Variants in DTWD1 observed in about 807,000 individuals in gnomAD.
DTWD1 encodes the protein DTW motif tRNA-uridine aminocarboxypropyltransferase 1, also known as tRNA-uridine aminocarboxypropyltransferase 1.
In DTWD1, 27 loss-of-function variants were observed where a neutral mutation model predicts 30.2. The observed-to-expected ratio is 0.90, with a 90% CI of 0.66 to 1.23. DTWD1 has a LOEUF of 1.23. Among genes scored for constraint, DTWD1 ranks in the 50% most tolerant of loss-of-function variants. The probability of loss-of-function intolerance (pLI) is 0.00; values close to 1 mark genes in which losing one functional copy is unlikely to be tolerated. For missense variants in DTWD1, 342 were observed against 348.8 expected (o/e 0.98, Z 0.15); for synonymous variants, 99 against 113.1 (o/e 0.88, Z 0.79).
Position 49,625,125 on chromosome 15 carries a change from AT to A in DTWD1, c.-42del, listed in dbSNP as rs1273583698. 8 of 1,580,788 alleles carry A rather than the reference AT, an allele frequency of 5.1e-6. No individual in the cohort carries two copies. In the African/African-American group the frequency reaches 9.5e-5, roughly 19 times the overall value. ...TTTTTTTTTACAGTGCACCTATGAT[AT>A]GTGTTTTAGAAATAGCCGTTAAACT... On this transcript the variant is annotated 5_prime_UTR_variant, in exon 2 of 5. It removes an upstream start codon present in the reference 5' UTR. Coordinates refer to ENST00000403028, the MANE Select transcript of DTWD1 (RefSeq NM_001144955.2).
intron 4 of DTWD1, among the ~76,000 whole-genome samples, chr15:49,641,705 G>A (rs1201909515): frequency 1.3e-5 from 2 of 151,832 alleles, no homozygotes; most frequent in East Asian, 3.9e-4. Flanking sequence ...CACAATTTTA[G>A]GTTGCCAGTT....
chr15:49,638,140 C>T (rs1184603281), intron 4 of DTWD1, among the ~76,000 whole-genome samples: 3 of 152,098 alleles, frequency 2.0e-5, no homozygotes, highest in Non-Finnish European at 2.9e-5. Flanking sequence ...TTTTTCTGAG[C>T]CATTTTTCTT....
intron 1 of DTWD1, among the ~76,000 whole-genome samples, chr15:49,622,519 C>T (rs12595447): frequency 0.055 from 8,357 of 152,098 alleles, 327 homozygotes; most frequent in East Asian, 0.13. Flanking sequence ...GAATGATGGA[C>T]GCACCATCAA....
chr15:49,633,591 TC>T, intron 3 of DTWD1: 1 of 275,692 alleles, frequency 3.6e-6, no homozygotes. Context: ...CACCTTGGCC[TC>T]CCAAAGTGCC....
intron 3 of DTWD1, among the ~76,000 whole-genome samples, chr15:49,632,544 G>T (rs2078937160): frequency 6.6e-6 from 1 of 152,012 alleles, no homozygotes; most frequent in African/African-American, 2.4e-5. Context: ...ATTTCTTCAG[G>T]TTTTTACTCC....
At chr15:49,624,936 TCA>T (rs1216831144) in intron 1 of DTWD1, among the ~76,000 whole-genome samples, 175 bp from the exon 2 acceptor site, 2 of 152,348 alleles carry the variant, frequency 1.3e-5, no homozygotes, top group South Asian at 2.1e-4. Context: ...GAAATAACTT[TCA>T]GTTTATTGCT....
chr15:49,632,861 A>C (rs2078941671), intron 3 of DTWD1, among the ~76,000 whole-genome samples: 1 of 151,998 alleles, frequency 6.6e-6, no homozygotes, highest in African/African-American at 2.4e-5. Flanking sequence ...CTTCTTGCTG[A>C]AAAGTAATTT....
In DTWD1 at chr15:49,653,430, T is replaced by A. The variant is rs1490010057; in HGVS notation, c.*9852T>A. ...AAAGGAATGCAGTTCAGCTAACATC[T>A]TGATTTTAGATCAGTGAGATTTTTG... On this transcript the variant is annotated 3_prime_UTR_variant, in exon 5 of 5. Coordinates refer to ENST00000403028, the MANE Select transcript of DTWD1 (RefSeq NM_001144955.2). 6.6e-6 allele frequency: 1 copy of A among 152,154 alleles called. No homozygotes were observed. Among genetic ancestry groups the A allele is most frequent in the South Asian group, 2.1e-4 (1 of 4,828 alleles). The allele number at this position is 152,154 out of a possible 1,614,324, so 9.4% of individuals were successfully genotyped here.
In DTWD1 at chr15:49,650,470, G is replaced by A. The variant is rs1054776600; in HGVS notation, c.*6892G>A. Reference sequence around the variant, plus strand: ...ATGGGCGAGTGGTACAGAATGACAAGATCCTGCATGTATTTTTAAGGTAGA... The same window carrying A: ...ATGGGCGAGTGGTACAGAATGACAAAATCCTGCATGTATTTTTAAGGTAGA... On this transcript the variant is annotated 3_prime_UTR_variant, in exon 5 of 5. Transcript: ENST00000403028. 6.6e-6 allele frequency: 1 copy of A among 152,150 alleles called. No individual in the cohort carries two copies. Among genetic ancestry groups the A allele is most frequent in the Non-Finnish European group, 1.5e-5 (1 of 68,016 alleles). 9.4% of individuals were successfully genotyped at this position (152,150 alleles called of 1,614,324 possible).
intron 3 of DTWD1, chr15:49,633,658 A>G (rs1033138342): frequency 7.6e-6 from 2 of 263,878 alleles, no homozygotes; most frequent in Non-Finnish European, 1.5e-5. Context: ...TCATAATTTT[A>G]TTTTATTGTG....
At chr15:49,624,219 C>A (rs11070711) in intron 1 of DTWD1, among the ~76,000 whole-genome samples, 1 of 152,126 alleles carries the variant, frequency 6.6e-6, no homozygotes, top group Non-Finnish European at 1.5e-5. Flanking sequence ...TTCTCTTGTC[C>A]CTGTTTCTAC....
At position 49,651,185 on chromosome 15, in the gene DTWD1, C is replaced by T. The variant is rs1427483716; in HGVS notation, c.*7607C>T. 6.6e-6 allele frequency: 1 copy of T among 152,062 alleles called. No homozygotes were observed. Among genetic ancestry groups the T allele is most frequent in the East Asian group, 1.9e-4 (1 of 5,176 alleles). The allele number at this position is 152,062 out of a possible 1,614,324, so 9.4% of individuals were successfully genotyped here. A position where few individuals can be genotyped will look rare whatever the true frequency, so the allele number is the denominator to read the frequency against. ...CAAATCTCATCTAGAATTTAATAGT[C>T]CAAGTAGCCAAACTGGTATTTGTCC... On this transcript the variant is annotated 3_prime_UTR_variant, in exon 5 of 5. Transcript: ENST00000403028.
rs2079128699 is a variant in DTWD1 at position 49,647,685 on chromosome 15, TCAC to T, written c.*4112_*4114del. 2 of 151,954 alleles carry T rather than the reference TCAC, an allele frequency of 1.3e-5. No homozygotes were observed. The highest frequency in any genetic ancestry group is 4.8e-5 in the African/African-American group (2 of 41,348). The allele number at this position is 151,954 out of a possible 1,614,324, so 9.4% of individuals were successfully genotyped here. A position where few individuals can be genotyped will look rare whatever the true frequency, so the allele number is the denominator to read the frequency against. ...TACATTGAAGGCCACCAGCCAAAAA[TCAC>T]CACCCATACATAAGAGCCAAACATC... On this transcript the variant is annotated 3_prime_UTR_variant, in exon 5 of 5. Transcript: ENST00000403028.
In DTWD1 at chr15:49,643,325, T is replaced by G. The variant is rs1205832736; in HGVS notation, c.668-6T>G. ...TTCTTTCTTTTTTTTTTTTTTTTTTTGACAGGGTTGTTACAAGTTGAGTTG... is the reference window on the plus strand; with the variant it reads ...TTCTTTCTTTTTTTTTTTTTTTTTTGGACAGGGTTGTTACAAGTTGAGTTG... On this transcript the variant is annotated splice_polypyrimidine_tract_variant and splice_region_variant and intron_variant, in intron 4 of 4. Coordinates refer to ENST00000403028, the MANE Select transcript of DTWD1 (RefSeq NM_001144955.2). 1.4e-6 allele frequency: 2 copies of G among 1,456,174 alleles called. No individual in the cohort carries two copies. Among genetic ancestry groups the G allele is most frequent in the Non-Finnish European group, 1.8e-6 (2 of 1,107,300 alleles). 90.2% of individuals were successfully genotyped at this position (1,456,174 alleles called of 1,614,324 possible).
rs376847604 is a variant in DTWD1, at chr15:49,648,916, A to T, written c.*5338A>T. 3.3e-5 allele frequency: 5 copies of T among 152,152 alleles called. No individual in the cohort carries two copies. The highest frequency in any genetic ancestry group is 2.1e-4 in the South Asian group (1 of 4,826). 9.4% of individuals were successfully genotyped at this position (152,152 alleles called of 1,614,324 possible). ...AGTTTGTTTATTTTCACTTGAAGAG[A>T]TCTCTCAGAAAGTCAAAGAAAATAG... On this transcript the variant is annotated 3_prime_UTR_variant, in exon 5 of 5. Coordinates refer to ENST00000403028, the MANE Select transcript of DTWD1 (RefSeq NM_001144955.2).
At chr15:49,629,480 C>T (rs2078889738) in intron 2 of DTWD1, 1 of 152,174 alleles carries the variant, frequency 6.6e-6, no homozygotes, top group Non-Finnish European at 1.5e-5. Flanking sequence ...TTCAGCTTTA[C>T]TCATCAGCCA....
rs1035986294 is a variant in DTWD1, at chr15:49,646,965, A to G, written c.*3387A>G. ...GAAAAGCAGCATCGTTACAAGTATTACATGAATAAAGAAGTTTAGTAAAGA... is the reference window on the plus strand; with the variant it reads ...GAAAAGCAGCATCGTTACAAGTATTGCATGAATAAAGAAGTTTAGTAAAGA... On this transcript the variant is annotated 3_prime_UTR_variant, in exon 5 of 5. Coordinates refer to ENST00000403028, the MANE Select transcript of DTWD1 (RefSeq NM_001144955.2). 1 of 152,166 alleles carries G rather than the reference A, an allele frequency of 6.6e-6. No individual in the cohort carries two copies. Among genetic ancestry groups the G allele is most frequent in the East Asian group, 1.9e-4 (1 of 5,182 alleles). 9.4% of individuals were successfully genotyped at this position (152,166 alleles called of 1,614,324 possible).
chr15:49,627,214 T>C (rs1367628867), intron 2 of DTWD1, among the ~76,000 whole-genome samples: 1 of 152,192 alleles, frequency 6.6e-6, no homozygotes. Context: ...CATCTCTCAA[T>C]GGTCTGGACT....
rs1452938534 is a variant in DTWD1 at position 49,654,473 on chromosome 15, C to T, written c.*10895C>T. 1 of 151,976 alleles carries T rather than the reference C, an allele frequency of 6.6e-6. No homozygotes were observed. The highest frequency in any genetic ancestry group is 6.6e-5 in the Admixed American group (1 of 15,242). The allele number at this position is 151,976 out of a possible 1,614,324, so 9.4% of individuals were successfully genotyped here. ...AGGTCTGGCAGTTTTCACTTTCACT[C>T]TCCTGAACCTTCATATTAGAATTCC... On this transcript the variant is annotated 3_prime_UTR_variant, in exon 5 of 5. Coordinates refer to ENST00000403028, the MANE Select transcript of DTWD1 (RefSeq NM_001144955.2).
Sources: allele counts gnomAD v4.1 joint callset (sites outside exome capture counted in the v4.1 genomes callset), GRCh38; gene constraint gnomAD v4.1.1; transcripts MANE v1.5; gene names NCBI Gene and HGNC (gene_info 2026-07-23, HGNC 2026-07-21).